CADM2: variants seen among roughly 807,000 people sequenced by gnomAD.
CADM2 encodes the protein cell adhesion molecule 2.
CADM2 carries 12 observed loss-of-function variants against 49.8 expected under a neutral mutation model. The observed-to-expected ratio is 0.24, with a 90% CI of 0.15 to 0.39. The LOEUF (loss-of-function observed/expected upper bound fraction) is 0.39. Ranked by LOEUF, CADM2 falls within the 10% of genes least tolerant of loss-of-function variation. The pLI is 1.00. For missense variants in CADM2, 378 were observed against 492.3 expected (o/e 0.77, Z 2.20); for synonymous variants, 214 against 175.4 (o/e 1.22, Z -1.74).
chr3:85,978,920 C>G (rs754174464), intron 8 of CADM2, among the ~76,000 whole-genome samples: 2 of 150,562 alleles, frequency 1.3e-5, no homozygotes, highest in Non-Finnish European at 3.0e-5. Context: ...ACATTTTACT[C>G]TAAATATTGA....
At chr3:86,012,583 C>G (rs1471112417) in intron 8 of CADM2, 59 of 1,564,984 alleles carry the variant, frequency 3.8e-5, no homozygotes, top group Admixed American at 7.2e-5. Context: ...TGCGCTGCCC[C>G]CAACTGCACG....
intron 1 of CADM2, among the ~76,000 whole-genome samples, chr3:85,347,651 ATT>A (rs1336073404): frequency 2.6e-3 from 154 of 58,616 alleles, no homozygotes; most frequent in African/African-American, 5.8e-3. Context: ...ATATATATAT[ATT>A]TTTTTTAAGA....
rs976287023 is a variant in CADM2 at position 85,619,316 on chromosome 3, T to TA, written c.62-107198dup. Among the ~76,000 whole-genome samples the TA allele has an allele frequency of 2.9e-4, 41 of 143,304 alleles. 1 individual carries two copies. Among genetic ancestry groups the TA allele is most frequent in the African/African-American group, 7.8e-4 (30 of 38,560 alleles). 94.0% of individuals were successfully genotyped at this position (143,304 alleles called of 152,430 possible). ...TTCACTGGAAACTGATTTTCTTAAT[T>TA]AAAAAAAAGATGCAATGGAACTTTA... is the stretch of plus-strand genomic sequence containing the variant. On this transcript the variant is annotated intron_variant, in intron 1 of 9. Coordinates refer to ENST00000383699, the MANE Select transcript of CADM2 (RefSeq NM_001167675.2).
At chr3:86,056,691 C>G (rs1738031775) in intron 8 of CADM2, among the ~76,000 whole-genome samples, 1 of 152,086 alleles carries the variant, frequency 6.6e-6, no homozygotes, top group Admixed American at 6.6e-5. Flanking sequence ...CTTACTGAAA[C>G]AGTTTGTAAA....
chr3:84,959,429 C>A lies in CADM2; in HGVS notation c.-179C>A. 1 of 598,680 alleles carries A rather than the reference C, an allele frequency of 1.7e-6. No individual in the cohort carries two copies. The highest frequency in any genetic ancestry group is 3.0e-6 in the Non-Finnish European group (1 of 338,354). The allele number at this position is 598,680 out of a possible 1,614,324, so 37.1% of individuals were successfully genotyped here. ...GATACCCCATTCTGCGGGTGCTTTGCCGCTGCCGCTTCTGCTGCCGCCGAT... is the reference window on the plus strand; with the variant it reads ...GATACCCCATTCTGCGGGTGCTTTGACGCTGCCGCTTCTGCTGCCGCCGAT... On this transcript the variant is annotated 5_prime_UTR_variant, in exon 1 of 10. Coordinates refer to ENST00000383699, the MANE Select transcript of CADM2 (RefSeq NM_001167675.2).
intron 1 of CADM2, among the ~76,000 whole-genome samples, chr3:85,356,392 C>T (rs151171299): frequency 1.0e-3 from 153 of 152,132 alleles, no homozygotes; most frequent in Non-Finnish European, 1.9e-3. Context: ...TATTGAGAAA[C>T]ATTTGTAGCT....
At chr3:85,425,718 G>A (rs4856571) in intron 1 of CADM2, among the ~76,000 whole-genome samples, 1 of 151,930 alleles carries the variant, frequency 6.6e-6, no homozygotes. Context: ...CCAGGTCTTG[G>A]GGGTGACAAA....
chr3:85,946,270 A>G (rs1236497649), intron 7 of CADM2, among the ~76,000 whole-genome samples: 1 of 150,868 alleles, frequency 6.6e-6, no homozygotes, highest in African/African-American at 2.5e-5. Flanking sequence ...CTGCTCAACT[A>G]AATAAAAGAG....
chr3:85,216,269 T>A (rs1251331244), intron 1 of CADM2, among the ~76,000 whole-genome samples: 1 of 147,448 alleles, frequency 6.8e-6, no homozygotes, highest in Non-Finnish European at 1.5e-5. Context: ...TTTAATAGTT[T>A]ATCTATTAAA....
intron 1 of CADM2, 138 bp downstream of exon 1, chr3:84,959,806 C>A (rs1044395215): frequency 3.8e-6 from 3 of 790,702 alleles, no homozygotes; most frequent in Non-Finnish European, 6.2e-6. Context: ...CTCTCTGGTG[C>A]GGCAGGGGGC....
chr3:85,941,854 A>T (rs1721951905), intron 7 of CADM2, among the ~76,000 whole-genome samples: 1 of 152,086 alleles, frequency 6.6e-6, no homozygotes, highest in Admixed American at 6.6e-5. Context: ...TCAGTGATAC[A>T]TAAGACCTTG....
intron 1 of CADM2, among the ~76,000 whole-genome samples, chr3:85,485,791 C>T (rs887372401): frequency 6.6e-5 from 10 of 152,080 alleles, no homozygotes; most frequent in South Asian, 2.1e-4. Flanking sequence ...GATTTTACCC[C>T]AGGAGGCACA....
At chr3:85,761,994 G>C (rs1182701870) in intron 2 of CADM2, among the ~76,000 whole-genome samples, 3 of 152,212 alleles carry the variant, frequency 2.0e-5, no homozygotes, top group Admixed American at 2.0e-4. Context: ...TTAAGTTAGG[G>C]ATTTTATGTA....
chr3:85,212,827 T>C (rs12714621), intron 1 of CADM2, among the ~76,000 whole-genome samples: 21,081 of 94,528 alleles, frequency 0.22, 1,833 homozygotes, highest in Admixed American at 0.31. Context: ...TCTTTCTTTC[T>C]TTCTTTCTTT....
intron 1 of CADM2, among the ~76,000 whole-genome samples, chr3:85,559,196 C>T (rs1036357948): frequency 2.0e-5 from 3 of 151,994 alleles, no homozygotes; most frequent in African/African-American, 7.2e-5. Flanking sequence ...GATTAATATA[C>T]ATTAAATATA....
intron 8 of CADM2, among the ~76,000 whole-genome samples, chr3:85,991,405 A>T (rs1331793313): frequency 1.3e-5 from 2 of 152,204 alleles, no homozygotes; most frequent in African/African-American, 2.4e-5. Context: ...CTATAGTAGG[A>T]TAAAACAGAA....
intron 1 of CADM2, among the ~76,000 whole-genome samples, chr3:85,601,150 A>G (rs879893994): frequency 0.22 from 26,027 of 116,108 alleles, 3,643 homozygotes; most frequent in East Asian, 0.34. Context: ...ATATATATAT[A>G]TATATATATA....
At chr3:85,928,916 A>T (rs1479984166) in intron 6 of CADM2, among the ~76,000 whole-genome samples, 1 of 152,158 alleles carries the variant, frequency 6.6e-6, no homozygotes, top group Non-Finnish European at 1.5e-5. Context: ...ACAAATATAC[A>T]TTATGTACAT....
chr3:85,475,286 A>G (rs2038932406), intron 1 of CADM2, among the ~76,000 whole-genome samples: 1 of 152,008 alleles, frequency 6.6e-6, no homozygotes, highest in Non-Finnish European at 1.5e-5. Context: ...ATAGGAAGAT[A>G]CAGGTGTGTG....
Sources: allele counts gnomAD v4.1 joint callset (sites outside exome capture counted in the v4.1 genomes callset), GRCh38; gene constraint gnomAD v4.1.1; transcripts MANE v1.5; gene names NCBI Gene and HGNC (gene_info 2026-07-23, HGNC 2026-07-21).